The following MSI1 variants were observed in gnomAD, a reference collection of about 807,000 sequenced individuals.
MSI1 encodes the protein musashi RNA binding protein 1, also known as RNA-binding protein Musashi homolog 1.
Under a neutral mutation model 54.4 loss-of-function variants are expected in MSI1, and 15 were observed. That is an observed-to-expected ratio of 0.28 (90% CI 0.18 to 0.42). MSI1 has a LOEUF of 0.42. MSI1 is among the 20% of genes least tolerant of loss of function. The pLI is 1.00. For missense variants in MSI1, 304 were observed against 506.0 expected (o/e 0.60, Z 3.83); for synonymous variants, 200 against 196.5 (o/e 1.02, Z -0.15).
In MSI1 at chr12:120,368,703, G is replaced by T; in HGVS notation, c.100+130C>A. On this transcript the variant is annotated intron_variant, in intron 2 of 14. Transcript: ENST00000257552. This position sits in a 1 kb window ranked among gnomAD's most constrained non-coding sequence, Gnocchi z 6.6. ...CCTGCGCTCTCGGGGTCTCCGGGCG[G>T]GGCGCGAAAGAGGGCGCGAGGGCGC... The T allele has an allele frequency of 2.4e-6, 2 of 838,876 alleles. No individual in the cohort carries two copies. The highest frequency in any genetic ancestry group is 3.1e-6 in the Non-Finnish European group (2 of 638,210). The allele number at this position is 838,876 out of a possible 1,614,324, so 52.0% of individuals were successfully genotyped here. A position where few individuals can be genotyped will look rare whatever the true frequency, so the allele number is the denominator to read the frequency against.
intron 5 of MSI1, among the ~76,000 whole-genome samples, chr12:120,363,487 C>T (rs1344521222): frequency 1.3e-5 from 2 of 152,032 alleles, no homozygotes; most frequent in Non-Finnish European, 2.9e-5. Flanking sequence ...GGGAGACCCC[C>T]CAAGGTCCAT....
chr12:120,355,204 G>A (rs1174306371), intron 9 of MSI1, among the ~76,000 whole-genome samples: 3 of 151,810 alleles, frequency 2.0e-5, no homozygotes, highest in Non-Finnish European at 4.4e-5. Context: ...AGGAGATCAA[G>A]ACCATCCTGG....
intron 11 of MSI1, among the ~76,000 whole-genome samples, chr12:120,347,882 A>G (rs12423303): frequency 0.061 from 9,237 of 152,178 alleles, 404 homozygotes; most frequent in Admixed American, 0.15. Flanking sequence ...CCCTTGGCAA[A>G]ACAGGGATCA....
intron 4 of MSI1, among the ~76,000 whole-genome samples, 177 bp downstream of exon 4, chr12:120,367,831 C>T (rs1323540779): frequency 3.9e-5 from 6 of 152,052 alleles, no homozygotes; most frequent in Admixed American, 3.9e-4. Context: ...GATTTTTCTC[C>T]TCCCTCTCCC....
chr12:120,344,651 C>G (rs953367797), intron 14 of MSI1, among the ~76,000 whole-genome samples: 1 of 151,824 alleles, frequency 6.6e-6, no homozygotes, highest in Non-Finnish European at 1.5e-5. Flanking sequence ...CAGGCTGCAG[C>G]GAGCTGTGAT....
At chr12:120,366,012 G>GA (rs548521104) in intron 4 of MSI1, among the ~76,000 whole-genome samples, 147 of 152,268 alleles carry the variant, frequency 9.7e-4, no homozygotes, top group African/African-American at 3.4e-3. Context: ...CAACCAGAGG[G>GA]AAAAATCAAG....
In MSI1 at chr12:120,368,323, C is replaced by T. The variant is rs1333015652; in HGVS notation, c.101-50G>A. On this transcript the variant is annotated intron_variant, in intron 2 of 14. Transcript: ENST00000257552. This position sits in a 1 kb window ranked among gnomAD's most constrained non-coding sequence, Gnocchi z 6.6. ...ACCAGCCCGGGCCCCGCGCCCTTCC[C>T]CCCCCCCCGTCCTTTGCCCCCGGTG... is the stretch of plus-strand genomic sequence containing the variant. 3.0e-5 allele frequency: 43 copies of T among 1,453,238 alleles called. No homozygotes were observed. The highest frequency in any genetic ancestry group is 3.3e-5 in the Non-Finnish European group (37 of 1,105,026). The allele number at this position is 1,453,238 out of a possible 1,614,324, so 90.0% of individuals were successfully genotyped here.
chr12:120,350,973 A>AT, intron 11 of MSI1, among the ~76,000 whole-genome samples: 2 of 152,124 alleles, frequency 1.3e-5, no homozygotes, highest in Non-Finnish European at 2.9e-5. Context: ...GAGGGCAGGT[A>AT]TGCCCACGCT....
intron 6 of MSI1, among the ~76,000 whole-genome samples, chr12:120,362,329 T>G (rs1875726798): frequency 2.0e-5 from 3 of 152,146 alleles, no homozygotes; most frequent in Admixed American, 2.0e-4. Flanking sequence ...CCTCTTTCCC[T>G]CCTAGACTTC....
Position 120,368,884 on chromosome 12 carries a change from A to C in MSI1, c.60-11T>G. ...CCGATGAACATCTTGCTGCGGGAGG[A>C]GGAGAGACACAAAGGGCCCGCGTGA... On this transcript the variant is annotated splice_polypyrimidine_tract_variant and intron_variant, in intron 1 of 14. Transcript: ENST00000257552. This position sits in a 1 kb window ranked among gnomAD's most constrained non-coding sequence, Gnocchi z 6.6. 1 of 1,456,450 alleles carries C rather than the reference A, an allele frequency of 6.9e-7. No homozygotes were observed. Among genetic ancestry groups the C allele is most frequent in the Non-Finnish European group, 9.2e-7 (1 of 1,092,626 alleles). 90.2% of individuals were successfully genotyped at this position (1,456,450 alleles called of 1,614,324 possible).
rs1874225342 is a variant in MSI1 at position 120,347,431 on chromosome 12, C to T, written c.859+15G>A. 1 of 1,613,936 alleles carries T rather than the reference C, an allele frequency of 6.2e-7. No individual in the cohort carries two copies. Among genetic ancestry groups the T allele is most frequent in the Non-Finnish European group, 8.5e-7 (1 of 1,179,990 alleles). ...TGCTCCCTCATCTCTCTTCCTGCAC[C>T]TCAGAAGAGCTCACCTGTCCCTCGA... On this transcript the variant is annotated intron_variant, in intron 12 of 14. Coordinates refer to ENST00000257552, the MANE Select transcript of MSI1 (RefSeq NM_002442.4).
At chr12:120,340,696 A>G (rs78707564), downstream of MSI1, among the ~76,000 whole-genome samples, 8,940 of 151,568 alleles carry the variant, frequency 0.059, 389 homozygotes, top group Admixed American at 0.15. Flanking sequence ...AATATTTTAT[A>G]TAGATGAAGG....
chr12:120,351,553 A>G (rs1565886271), intron 10 of MSI1, among the ~76,000 whole-genome samples, 153 bp from the exon 11 acceptor site: 1 of 151,640 alleles, frequency 6.6e-6, no homozygotes, highest in Non-Finnish European at 1.5e-5. Flanking sequence ...CAGTTCCCAG[A>G]AGGCAGGGGA....
At chr12:120,363,165 A>T (rs751061071) in intron 5 of MSI1, 30 bp from the exon 6 acceptor site, 1 of 1,597,536 alleles carries the variant, frequency 6.3e-7, no homozygotes, top group Non-Finnish European at 8.6e-7. Context: ...GAAAGTGGGC[A>T]TCTGAGTCCT....
Position 120,342,326 on chromosome 12 carries a change from C to G in MSI1, c.*801G>C, listed in dbSNP as rs917788829. 1 of 152,794 alleles carries G rather than the reference C, an allele frequency of 6.5e-6. No homozygotes were observed. The highest frequency in any genetic ancestry group is 1.5e-5 in the Non-Finnish European group (1 of 68,216). 9.5% of individuals were successfully genotyped at this position (152,794 alleles called of 1,614,324 possible). On this transcript the variant is annotated 3_prime_UTR_variant, in exon 15 of 15. Coordinates refer to ENST00000257552, the MANE Select transcript of MSI1 (RefSeq NM_002442.4). ...GAGAGCGGGCCTGCCGTGGCCACAGCTGAGGCCTGCAAGCTTACAGTAACG... is the reference window on the plus strand; with the variant it reads ...GAGAGCGGGCCTGCCGTGGCCACAGGTGAGGCCTGCAAGCTTACAGTAACG...
At chr12:120,341,168 G>A (rs1412376865), downstream of MSI1, among the ~76,000 whole-genome samples, 1 of 152,076 alleles carries the variant, frequency 6.6e-6, no homozygotes. Flanking sequence ...TTACAGGCAT[G>A]AGCCACTGTG....
At chr12:120,343,828 T>C (rs1021252475) in intron 14 of MSI1, among the ~76,000 whole-genome samples, 1 of 152,140 alleles carries the variant, frequency 6.6e-6, no homozygotes, top group African/African-American at 2.4e-5. Flanking sequence ...GTGATGGCCG[T>C]GTACACAGTC....
rs751007952 is a variant in MSI1 at position 120,347,468 on chromosome 12, T to C, written c.837A>G (p.Ala279=). The C allele has an allele frequency of 9.3e-6, 15 of 1,613,950 alleles. No individual in the cohort carries two copies. The Admixed American group carries it at 1.7e-4, about 18-fold the overall frequency. ...AYGPMAAAAA[A]AAVVRGTGSH... is the part of the protein sequence containing the mutation. ...CACCTGTCCCTCGAACCACAGCCGC[T>C]GCCGCCGCTGCCGCCGCCATTGGTC... Residue 279 remains alanine (A), a synonymous_variant, in exon 12 of 15, where the codon GCA becomes GCG. Coordinates refer to ENST00000257552, the MANE Select transcript of MSI1 (RefSeq NM_002442.4).
Position 120,368,435 on chromosome 12 carries a change from G to T in MSI1, c.101-162C>A, listed in dbSNP as rs919969635. ...CCCCCACCGCCCTCGCCCCGTTCCC[G>T]CTGAGCCTCCTGGCGCCCACCGGGG... On this transcript the variant is annotated intron_variant, in intron 2 of 14. Transcript: ENST00000257552. The surrounding 1 kb of genome is among the most constrained non-coding windows in gnomAD (Gnocchi z 6.6). Among the ~76,000 whole-genome samples the T allele has an allele frequency of 1.9e-4, 28 of 149,478 alleles. No individual in the cohort carries two copies. The highest frequency in any genetic ancestry group is 8.9e-5 in the Non-Finnish European group (6 of 67,470).
Sources: allele counts gnomAD v4.1 joint callset (sites outside exome capture counted in the v4.1 genomes callset), GRCh38; gene constraint gnomAD v4.1.1; non-coding constraint Gnocchi (gnomAD v3.1); transcripts MANE v1.5; gene names NCBI Gene and HGNC (gene_info 2026-07-23, HGNC 2026-07-21).